IL13RA1: variants seen among roughly 807,000 people sequenced by gnomAD.
The protein encoded by IL13RA1 is interleukin 13 receptor subunit alpha 1.
Under a neutral mutation model 33.8 loss-of-function variants are expected in IL13RA1, and 14 were observed. The ratio of observed to expected loss-of-function variants is 0.41; its 90% CI spans 0.27 to 0.65. The LOEUF (loss-of-function observed/expected upper bound fraction) is 0.65, where lower values mean the gene tolerates loss of function less well. IL13RA1 is among the 30% of genes least tolerant of loss of function. The probability of loss-of-function intolerance (pLI) is 0.28; values close to 1 mark genes in which losing one functional copy is unlikely to be tolerated. For missense variants in IL13RA1, 313 were observed against 327.0 expected (o/e 0.96, Z 0.33); for synonymous variants, 116 against 115.7 (o/e 1.00, Z -0.02).
intron 5 of IL13RA1, among the ~76,000 whole-genome samples, chrX:118,760,827 A>G (rs2017582617): frequency 8.9e-6 from 1 of 112,209 alleles, no homozygotes; most frequent in Admixed American, 9.5e-5. Context: ...CAAGTCCCTG[A>G]TAAAAAGTAG....
At chrX:118,771,939 C>G (rs1230392306) in intron 8 of IL13RA1, among the ~76,000 whole-genome samples, 1 of 111,733 alleles carries the variant, frequency 8.9e-6, no homozygotes, top group Non-Finnish European at 1.9e-5. Flanking sequence ...TGCCACTGCA[C>G]TCCAGCCTGG....
chrX:118,762,709 T>C (rs191555024), intron 6 of IL13RA1, among the ~76,000 whole-genome samples: 1 of 111,763 alleles, frequency 8.9e-6, no homozygotes, highest in Admixed American at 9.5e-5. Flanking sequence ...AGGGCTTTCA[T>C]GTGGAAGGGG....
At chrX:118,736,253 T>A (rs1481458250) in intron 1 of IL13RA1, among the ~76,000 whole-genome samples, 1 of 111,708 alleles carries the variant, frequency 9.0e-6, no homozygotes, top group Non-Finnish European at 1.9e-5. Context: ...TTTAATATAT[T>A]TGCCATCAGG....
At chrX:118,760,087 T>C (rs1017580494) in intron 5 of IL13RA1, among the ~76,000 whole-genome samples, 12 of 112,317 alleles carry the variant, frequency 1.1e-4, no homozygotes, top group Non-Finnish European at 3.8e-5. Context: ...ATTACCATCA[T>C]AAACATTTTA....
At chrX:118,763,155 A>G (rs2017607405) in intron 6 of IL13RA1, among the ~76,000 whole-genome samples, 2 of 111,459 alleles carry the variant, frequency 1.8e-5, no homozygotes, top group South Asian at 3.7e-4. Context: ...AAACCTACAC[A>G]CCCTGCACAT....
intron 10 of IL13RA1, among the ~76,000 whole-genome samples, chrX:118,790,740 C>T (rs1460729097): frequency 1.8e-5 from 2 of 111,610 alleles, no homozygotes; most frequent in African/African-American, 6.5e-5. Context: ...CAGTGTTTCC[C>T]AACTCATCCC....
In IL13RA1 at chrX:118,793,409, CT is replaced by C. The variant is rs2017998575; in HGVS notation, c.*1556del. On this transcript the variant is annotated 3_prime_UTR_variant, in exon 11 of 11. Transcript: ENST00000371666. ...GATGGGTCCAGGATTCCTCTTTTCT[CT>C]GCCATAAATGATTAATTAAATAGCT... The C allele has an allele frequency of 8.9e-6, 1 of 112,076 alleles. No individual in the cohort carries two copies. The highest frequency in any genetic ancestry group is 3.2e-5 in the African/African-American group (1 of 30,840). The allele number at this position is 112,076 out of a possible 1,213,427, so 9.2% of individuals were successfully genotyped here. A position where few individuals can be genotyped will look rare whatever the true frequency, so the allele number is the denominator to read the frequency against.
At chrX:118,742,811 T>G (rs2017359487) in intron 2 of IL13RA1, among the ~76,000 whole-genome samples, 1 of 110,942 alleles carries the variant, frequency 9.0e-6, no homozygotes, top group African/African-American at 3.3e-5. Flanking sequence ...TTAAAGGAGA[T>G]GAGGTTTGTA....
chrX:118,776,539 ATG>A, intron 10 of IL13RA1, 28 bp downstream of exon 10: 7 of 225,255 alleles, frequency 3.1e-5, no homozygotes, highest in Admixed American at 2.8e-4. Context: ...GGGGCTTGAA[ATG>A]TTTTTTTTTT....
rs781204016 is a variant in IL13RA1, at chrX:118,748,953, T to C, written c.368-705T>C. On this transcript the variant is annotated intron_variant, in intron 3 of 10. Transcript: ENST00000371666. ...TATTTAGAGACAGAGTCTTGTTCTG[T>C]TGTCCAGGCTGGAGTGCAGTGGCAA... Among the ~76,000 whole-genome samples, 3 of 111,635 alleles carry C rather than the reference T, an allele frequency of 2.7e-5. No homozygotes were observed. The South Asian group carries it at 1.2e-3, about 43-fold the overall frequency.
At chrX:118,731,912 A>G (rs1237542101) in intron 1 of IL13RA1, among the ~76,000 whole-genome samples, 1 of 112,082 alleles carries the variant, frequency 8.9e-6, no homozygotes, top group Non-Finnish European at 1.9e-5. Flanking sequence ...AGACCTTTAC[A>G]AGTAGTATAA....
At chrX:118,803,930 CT>C in the IL13RA1 span, among the ~76,000 whole-genome samples, 1 of 91,734 alleles carries the variant, frequency 1.1e-5, no homozygotes, top group Admixed American at 1.3e-4. Context: ...TCCTCTCTCT[CT>C]TTTTTTTCTT....
chrX:118,770,181 G>A (rs1185336045), intron 8 of IL13RA1: 12 of 274,988 alleles, frequency 4.4e-5, no homozygotes, highest in Admixed American at 2.6e-4. Context: ...GCGACAACGC[G>A]CAGCTGAGCG....
chrX:118,740,235 G>A (rs976804759), intron 1 of IL13RA1, among the ~76,000 whole-genome samples: 3 of 112,369 alleles, frequency 2.7e-5, no homozygotes, highest in Non-Finnish European at 3.8e-5. Context: ...AGGATTACAG[G>A]TGTGAGCCGC....
chrX:118,750,632 C>T (rs2017460715), intron 4 of IL13RA1, among the ~76,000 whole-genome samples: 1 of 109,577 alleles, frequency 9.1e-6, no homozygotes, highest in Non-Finnish European at 1.9e-5. Context: ...GGAATAAATG[C>T]CCAAGAGTGC....
intron 2 of IL13RA1, among the ~76,000 whole-genome samples, chrX:118,746,135 A>T (rs1377776060): frequency 9.3e-6 from 1 of 107,086 alleles, no homozygotes; most frequent in African/African-American, 3.4e-5. Context: ...TGATTACTGG[A>T]TTTTTTTTTT....
chrX:118,785,302 C>T (rs758717582), intron 10 of IL13RA1, among the ~76,000 whole-genome samples: 1 of 109,934 alleles, frequency 9.1e-6, no homozygotes, highest in Admixed American at 9.7e-5. Flanking sequence ...GCTGTGTTGC[C>T]CAGTCTGGTC....
chrX:118,791,218 T>A (rs2017971234), intron 10 of IL13RA1, among the ~76,000 whole-genome samples: 1 of 112,015 alleles, frequency 8.9e-6, no homozygotes, highest in Admixed American at 9.5e-5. Context: ...ATAAGTGTGC[T>A]TTATGTGTAA....
At chrX:118,781,492 A>G (rs768593972) in intron 10 of IL13RA1, among the ~76,000 whole-genome samples, 3 of 111,091 alleles carry the variant, frequency 2.7e-5, no homozygotes, top group Non-Finnish European at 5.7e-5. Context: ...AGCTGGGACT[A>G]CAGATGGTGC....
Sources: gnomAD v4.1 joint callset for allele counts (sites outside exome capture counted in the v4.1 genomes callset) on GRCh38, gnomAD v4.1.1 for gene constraint, MANE v1.5 for transcripts, NCBI Gene and HGNC (gene_info 2026-07-23, HGNC 2026-07-21) for gene names.